Variants in ATP13A4 observed in about 807,000 individuals in gnomAD.
ATP13A4 encodes the protein ATPase 13A4.
Under a neutral mutation model 142.5 loss-of-function variants are expected in ATP13A4, and 114 were observed. The ratio of observed to expected loss-of-function variants is 0.80; its 90% CI spans 0.69 to 0.93. The LOEUF is 0.93. Among genes scored for constraint, ATP13A4 ranks in the 40% least tolerant of loss-of-function variants. ATP13A4 has a pLI of 0.00. For synonymous variants in ATP13A4, 488 were observed against 514.8 expected, an observed-to-expected ratio of 0.95 and a Z score of 0.70; for missense variants, 1,392 against 1,454.0, an observed-to-expected ratio of 0.96 and a Z score of 0.69.
intron 16 of ATP13A4, among the ~76,000 whole-genome samples, 197 bp downstream of exon 16, chr3:193,456,803 C>T (rs150085632): frequency 1.1e-3 from 160 of 152,070 alleles, no homozygotes; most frequent in African/African-American, 3.6e-3. Flanking sequence ...ATGGTGGTAC[C>T]GTGCACCAAA....
chr3:193,453,787 C>T (rs778941940), intron 17 of ATP13A4, among the ~76,000 whole-genome samples: 3 of 152,002 alleles, frequency 2.0e-5, no homozygotes, highest in Non-Finnish European at 2.9e-5. Context: ...AATTCTGAAA[C>T]GCTGATTATA....
intron 26 of ATP13A4, among the ~76,000 whole-genome samples, chr3:193,414,087 G>A (rs1329329817): frequency 6.6e-6 from 1 of 152,126 alleles, no homozygotes; most frequent in Non-Finnish European, 1.5e-5. Flanking sequence ...TTATTTCTCA[G>A]CCAGCAGACA....
chr3:193,586,384 C>A (rs1042732464), intron 1 of ATP13A4, among the ~76,000 whole-genome samples: 1 of 152,024 alleles, frequency 6.6e-6, no homozygotes, highest in African/African-American at 2.4e-5. Context: ...TGTTACCTTC[C>A]GTGACGTAAG....
intron 1 of ATP13A4, among the ~76,000 whole-genome samples, chr3:193,544,125 A>T (rs887591066): frequency 6.6e-6 from 1 of 152,012 alleles, no homozygotes; most frequent in African/African-American, 2.4e-5. Context: ...ACTTCTCTGG[A>T]CTCTTCTCTC....
chr3:193,457,199 C>T, intron 15 of ATP13A4, 46 bp from the exon 16 acceptor site: 1 of 1,609,776 alleles, frequency 6.2e-7, no homozygotes, highest in Non-Finnish European at 8.5e-7. Flanking sequence ...GATACAGCTT[C>T]TAGCTACTGG....
chr3:193,580,720 A>C (rs1724521472), intron 2 of ATP13A4, among the ~76,000 whole-genome samples: 1 of 152,218 alleles, frequency 6.6e-6, no homozygotes, highest in East Asian at 1.9e-4. Context: ...TAGGGGGAGA[A>C]AAACCTCAGA....
intron 10 of ATP13A4, 47 bp downstream of exon 10, chr3:193,467,269 G>A: frequency 1.9e-6 from 3 of 1,601,356 alleles, no homozygotes; most frequent in Non-Finnish European, 2.6e-6. Context: ...TAGACAAACT[G>A]GGCAAAAGTA....
intron 2 of ATP13A4, among the ~76,000 whole-genome samples, chr3:193,580,997 A>C (rs1208319866): frequency 2.6e-5 from 4 of 152,230 alleles, no homozygotes; most frequent in African/African-American, 9.6e-5. Context: ...TACTATGAAT[A>C]AATGCTTCAT....
At chr3:193,446,552 G>T (rs564666316) in intron 18 of ATP13A4, among the ~76,000 whole-genome samples, 8 of 152,238 alleles carry the variant, frequency 5.3e-5, no homozygotes, top group Non-Finnish European at 1.2e-4. Flanking sequence ...GTCACAAGGG[G>T]TTGCGTATTT....
chr3:193,462,317 G>A (rs1302613080), intron 13 of ATP13A4, among the ~76,000 whole-genome samples: 2 of 152,002 alleles, frequency 1.3e-5, no homozygotes, highest in African/African-American at 4.8e-5. Flanking sequence ...CACTAGCTAC[G>A]GTTCTACAAA....
At chr3:193,405,379 A>T (rs1307857596) in intron 29 of ATP13A4, among the ~76,000 whole-genome samples, 1 of 152,222 alleles carries the variant, frequency 6.6e-6, no homozygotes, top group Non-Finnish European at 1.5e-5. Flanking sequence ...TCTACTCATG[A>T]TGACCATGAG....
chr3:193,427,009 T>TA (rs1474531922), intron 25 of ATP13A4, among the ~76,000 whole-genome samples: 2 of 151,922 alleles, frequency 1.3e-5, no homozygotes, highest in African/African-American at 4.8e-5. Context: ...TCCATTAAAA[T>TA]AAAAAACTTG....
At chr3:193,525,689 T>C (rs1040730075) in intron 1 of ATP13A4, among the ~76,000 whole-genome samples, 1 of 152,180 alleles carries the variant, frequency 6.6e-6, no homozygotes, top group Non-Finnish European at 1.5e-5. Flanking sequence ...AGCCCAGATG[T>C]AGGACTCTAA....
intron 9 of ATP13A4, among the ~76,000 whole-genome samples, chr3:193,468,332 G>T (rs1233372489): frequency 6.6e-6 from 1 of 152,224 alleles, no homozygotes; most frequent in South Asian, 2.1e-4. Context: ...TCAAAGTCTG[G>T]TGAGGTTGGA....
intron 24 of ATP13A4, 44 bp from the exon 25 acceptor site, chr3:193,433,961 G>C (rs1363886031): frequency 7.0e-7 from 1 of 1,427,070 alleles, no homozygotes; most frequent in Admixed American, 1.7e-5. Flanking sequence ...GTGACCTTCT[G>C]GATGAAATTA....
At chr3:193,420,087 C>G (rs541414191) in intron 25 of ATP13A4, among the ~76,000 whole-genome samples, 16 of 150,092 alleles carry the variant, frequency 1.1e-4, no homozygotes, top group South Asian at 8.4e-4. Context: ...CAGTCCTTCT[C>G]TCCAAGGAGA....
chr3:193,587,964 T>A (rs999441321), intron 1 of ATP13A4, among the ~76,000 whole-genome samples: 49 of 151,220 alleles, frequency 3.2e-4, no homozygotes, highest in Non-Finnish European at 4.4e-4. Context: ...TGTCTGAAAA[T>A]ATATATATAT....
intron 1 of ATP13A4, among the ~76,000 whole-genome samples, chr3:193,549,535 A>G (rs1723426416): frequency 1.3e-5 from 2 of 152,090 alleles, no homozygotes; most frequent in South Asian, 4.1e-4. Flanking sequence ...ATTTTTGTTA[A>G]AAAATACATA....
At chr3:193,525,442 A>T (rs1721947681) in intron 1 of ATP13A4, among the ~76,000 whole-genome samples, 1 of 152,184 alleles carries the variant, frequency 6.6e-6, no homozygotes, top group Admixed American at 6.5e-5. Flanking sequence ...ATTTCCCTTT[A>T]TCCCTGGGTA....
Sources: allele counts gnomAD v4.1 joint callset (sites outside exome capture counted in the v4.1 genomes callset), GRCh38; gene constraint gnomAD v4.1.1; transcripts MANE v1.5; gene names NCBI Gene and HGNC (gene_info 2026-07-23, HGNC 2026-07-21).